Variants in SCN11A observed in about 807,000 individuals in gnomAD.
SCN11A encodes sodium voltage-gated channel alpha subunit 11, also known as sodium channel protein type 11 subunit alpha.
SCN11A carries 122 observed loss-of-function variants against 162.2 expected under a neutral mutation model. The ratio of observed to expected loss-of-function variants is 0.75; its 90% confidence interval spans 0.65 to 0.87. SCN11A has a LOEUF of 0.87. Among genes scored for constraint, SCN11A ranks in the 40% least tolerant of loss-of-function variants. The pLI, the probability that SCN11A is intolerant of heterozygous loss-of-function variation, is 0.00. For missense variants in SCN11A, 2,015 were observed against 2,181.6 expected (o/e 0.92, Z 1.52); for synonymous variants, 758 against 751.5 (o/e 1.01, Z -0.14).
chr3:38,985,302 T>G (rs1162438968), intron 2 of SCN11A, among the ~76,000 whole-genome samples: 1 of 150,182 alleles, frequency 6.7e-6, no homozygotes. Context: ...TAATTTTTTT[T>G]TGTATTTTTA....
chr3:39,047,120 G>A (rs1189498080), intron 1 of SCN11A, among the ~76,000 whole-genome samples: 1 of 141,748 alleles, frequency 7.1e-6, no homozygotes, highest in Non-Finnish European at 1.5e-5. Flanking sequence ...CTGGAGTGCA[G>A]TGACTATTCA....
chr3:39,007,691 G>C (rs1452995214), intron 2 of SCN11A, among the ~76,000 whole-genome samples: 1 of 152,246 alleles, frequency 6.6e-6, no homozygotes, highest in African/African-American at 2.4e-5. Context: ...AGGAGCTCCT[G>C]CACGCAGGAC....
At chr3:38,963,352 G>GAGAGATAT (rs1196119271) in intron 2 of SCN11A, among the ~76,000 whole-genome samples, 1 of 38,286 alleles carries the variant, frequency 2.6e-5, no homozygotes. Flanking sequence ...CTATTTGATG[G>GAGAGATAT]ATATATATAT....
At chr3:38,943,519 T>C (rs775972093) in intron 7 of SCN11A, among the ~76,000 whole-genome samples, 2 of 152,204 alleles carry the variant, frequency 1.3e-5, no homozygotes, top group Non-Finnish European at 2.9e-5. Context: ...ACTGGAACTT[T>C]TGATAAGAAA....
intron 2 of SCN11A, among the ~76,000 whole-genome samples, chr3:38,980,683 G>C (rs975098384): frequency 5.3e-5 from 8 of 152,232 alleles, no homozygotes; most frequent in Admixed American, 2.6e-4. Flanking sequence ...TCTGGAGGTG[G>C]TTGCTTCTGG....
intron 11 of SCN11A, among the ~76,000 whole-genome samples, chr3:38,918,547 C>G (rs1414945248): frequency 6.6e-6 from 1 of 152,192 alleles, no homozygotes; most frequent in African/African-American, 2.4e-5. Context: ...CCCCCACTTC[C>G]TGCCCACGAA....
At chr3:38,929,132 C>CGT (rs1491097953) in intron 7 of SCN11A, among the ~76,000 whole-genome samples, 102 of 38,226 alleles carry the variant, frequency 2.7e-3, no homozygotes, top group Non-Finnish European at 5.2e-3. Flanking sequence ...TGGGTCTGTG[C>CGT]ACGCACACAC....
chr3:39,031,665 T>C (rs1248145138), intron 2 of SCN11A, among the ~76,000 whole-genome samples: 1 of 152,188 alleles, frequency 6.6e-6, no homozygotes, highest in Non-Finnish European at 1.5e-5. Context: ...TGAGTCTCTA[T>C]GTATACTTAT....
chr3:38,958,899 A>C (rs1223293133), intron 3 of SCN11A, among the ~76,000 whole-genome samples: 1 of 152,254 alleles, frequency 6.6e-6, no homozygotes, highest in Non-Finnish European at 1.5e-5. Context: ...AGAAATGTTC[A>C]TCTAGAATGA....
At position 39,042,685 on chromosome 3, in the gene SCN11A, C is replaced by T. The variant is rs767528675; in HGVS notation, c.-404+9176G>A. ...AAGAAATGAGCAAAAGGTCCAGGTG[C>T]AGTGGCTCACGCCTGTAATCCCAGC... On this transcript the variant is annotated intron_variant, in intron 1 of 29. Transcript: ENST00000302328. 7.8e-4 allele frequency among the ~76,000 whole-genome samples: 119 copies of T among 152,026 alleles called. 3 individuals are homozygous for T. Among genetic ancestry groups the T allele is most frequent in the Non-Finnish European group, 2.2e-4 (15 of 67,992 alleles).
At chr3:38,944,335 T>A (rs1389315485) in intron 7 of SCN11A, among the ~76,000 whole-genome samples, 1 of 146,556 alleles carries the variant, frequency 6.8e-6, no homozygotes, top group Admixed American at 6.7e-5. Context: ...GAAAATCCAT[T>A]TTTTTTTTTT....
intron 28 of SCN11A, among the ~76,000 whole-genome samples, chr3:38,856,319 G>A (rs1157400395): frequency 6.6e-6 from 1 of 152,158 alleles, no homozygotes; most frequent in Non-Finnish European, 1.5e-5. Flanking sequence ...CAGGGTGAGT[G>A]CGGCCCCAGA....
chr3:38,964,981 A>G (rs1403007662), intron 2 of SCN11A, among the ~76,000 whole-genome samples: 1 of 152,220 alleles, frequency 6.6e-6, no homozygotes, highest in Non-Finnish European at 1.5e-5. Flanking sequence ...TCAGTGTAGG[A>G]TGAGTGCCGC....
At chr3:38,945,378 C>A in intron 7 of SCN11A, 33 bp downstream of exon 7, 1 of 1,444,434 alleles carries the variant, frequency 6.9e-7, no homozygotes, top group Middle Eastern at 1.7e-4. Flanking sequence ...TGTTTAAAAA[C>A]TTAGGACAGG....
At chr3:38,984,239 C>T (rs2030155669) in intron 2 of SCN11A, among the ~76,000 whole-genome samples, 3 of 152,166 alleles carry the variant, frequency 2.0e-5, no homozygotes, top group Admixed American at 6.5e-5. Context: ...AGGAAGGTGC[C>T]CTATTCATCT....
chr3:38,883,676 A>G (rs756302259), intron 21 of SCN11A, among the ~76,000 whole-genome samples: 13 of 152,150 alleles, frequency 8.5e-5, no homozygotes, highest in Non-Finnish European at 1.6e-4. Flanking sequence ...AAAAAAAGGC[A>G]AATTCAGGCT....
At position 38,863,317 on chromosome 3, in the gene SCN11A, G is replaced by A; in HGVS notation, c.3952-18C>T. Reference sequence around the variant, plus strand: ...CCACCTAAGTATATGGAGAAGATAAGAGCTAATTACCTTTAACAGTTTTTT... The same window carrying A: ...CCACCTAAGTATATGGAGAAGATAAAAGCTAATTACCTTTAACAGTTTTTT... On this transcript the variant is annotated intron_variant, in intron 27 of 29. Coordinates refer to ENST00000302328, the MANE Select transcript of SCN11A (RefSeq NM_001349253.2). The A allele has an allele frequency of 7.8e-7, 1 of 1,290,072 alleles. No homozygotes were observed. The highest frequency in any genetic ancestry group is 1.1e-6 in the Non-Finnish European group (1 of 896,242). 79.9% of individuals were successfully genotyped at this position (1,290,072 alleles called of 1,614,324 possible). A position where few individuals can be genotyped will look rare whatever the true frequency, so the allele number is the denominator to read the frequency against.
chr3:38,918,911 C>T (rs1159827803), intron 11 of SCN11A, among the ~76,000 whole-genome samples: 1 of 152,082 alleles, frequency 6.6e-6, no homozygotes, highest in Non-Finnish European at 1.5e-5. Context: ...TGTAGTTAGG[C>T]AATTTTGTTG....
chr3:38,932,243 A>C (rs1427028418), intron 7 of SCN11A, among the ~76,000 whole-genome samples: 1 of 152,254 alleles, frequency 6.6e-6, no homozygotes, highest in Non-Finnish European at 1.5e-5. Flanking sequence ...GGCTGGAGCC[A>C]AGATGGCCGA....
Sources: gnomAD v4.1 joint callset for allele counts (sites outside exome capture counted in the v4.1 genomes callset) on GRCh38, gnomAD v4.1.1 for gene constraint, MANE v1.5 for transcripts, NCBI Gene and HGNC (gene_info 2026-07-23, HGNC 2026-07-21) for gene names.